Variants in ZNF133 observed in about 807,000 individuals in gnomAD.
ZNF133 encodes the protein zinc finger protein 133 (clone pHZ-13).
ZNF133 carries 26 observed loss-of-function variants against 54.9 expected under a neutral mutation model. That is an observed-to-expected ratio of 0.47 (90% CI 0.35 to 0.66). The LOEUF (loss-of-function observed/expected upper bound fraction) is 0.66, where lower values mean the gene tolerates loss of function less well. Among genes scored for constraint, ZNF133 ranks in the 30% least tolerant of loss-of-function variants. The pLI is 0.01. For missense variants in ZNF133, 653 were observed against 820.8 expected (o/e 0.80, Z 2.50); for synonymous variants, 298 against 320.3 (o/e 0.93, Z 0.74).
intron 1 of ZNF133, among the ~76,000 whole-genome samples, chr20:18,294,311 C>T (rs1001158175): frequency 2.6e-5 from 4 of 152,110 alleles, no homozygotes; most frequent in Non-Finnish European, 4.4e-5. Flanking sequence ...CCTTCAAAAG[C>T]GCCAAGTTCG....
intron 3 of ZNF133, among the ~76,000 whole-genome samples, chr20:18,302,801 A>G (rs1195610205): frequency 2.0e-5 from 3 of 152,244 alleles, no homozygotes; most frequent in East Asian, 3.8e-4. Context: ...GACTAAACAC[A>G]CACAAACCTA....
intron 1 of ZNF133, among the ~76,000 whole-genome samples, chr20:18,290,674 G>C (rs998077387): frequency 6.6e-6 from 1 of 152,092 alleles, no homozygotes; most frequent in African/African-American, 2.4e-5. Flanking sequence ...AGAGGGAAAA[G>C]TATCTGGAAA....
intron 6 of ZNF133, chr20:18,306,771 T>A (rs1486603689): frequency 1.5e-6 from 2 of 1,308,942 alleles, no homozygotes; most frequent in South Asian, 2.6e-5. Flanking sequence ...GAGGAAGAAA[T>A]CTAAAAAGCC....
Position 18,315,440 on chromosome 20 carries a change from G to A in ZNF133, c.589G>A (p.Glu197Lys). 1 of 1,614,214 alleles carries A rather than the reference G, an allele frequency of 6.2e-7. No homozygotes were observed. Among genetic ancestry groups the A allele is most frequent in the Admixed American group, 1.7e-5 (1 of 60,038 alleles). ...CAGCCCAGCTCAGTCAGGGAACCCT[G>A]AGGAAACAGACAAATTGTTGAAGAG... Reference protein sequence around the residue: ...EASPAQSGNPEETDKLLKRIE... With the variant: ...EASPAQSGNPKETDKLLKRIE... The change falls in exon 7 of 7, where the codon GAG becomes AAG. Residue 197 changes from glutamate (E) to lysine (K), a missense_variant. This residue lies in a region of ZNF133 where 227 missense variants were observed against 233.9 expected (regional missense o/e 0.97). Coordinates refer to ENST00000425686, the MANE Select transcript of ZNF133 (RefSeq NM_001352452.2).
chr20:18,296,513 T>G (rs2042266422), intron 1 of ZNF133, among the ~76,000 whole-genome samples: 1 of 152,210 alleles, frequency 6.6e-6, no homozygotes, highest in Non-Finnish European at 1.5e-5. Context: ...GTACCTCATA[T>G]AAATGGAATC....
At position 18,315,773 on chromosome 20, in the gene ZNF133, A is replaced by T; in HGVS notation, c.922A>T (p.Ser308Cys). The change falls in exon 7 of 7, where the codon AGC becomes TGC. Residue 308 changes from serine to cysteine, a missense_variant. Coordinates refer to ENST00000425686, the MANE Select transcript of ZNF133 (RefSeq NM_001352452.2). ...GTGCAGTGAGTGTGGGCGAGGCTTCAGCCAGAAGTCAAACCTCATCATACA... is the reference window on the plus strand; with the variant it reads ...GTGCAGTGAGTGTGGGCGAGGCTTCTGCCAGAAGTCAAACCTCATCATACA... ...YMCSECGRGF[S>C]QKSNLIIHQR... 1 of 1,614,256 alleles carries T rather than the reference A, an allele frequency of 6.2e-7. No individual in the cohort carries two copies. The highest frequency in any genetic ancestry group is 8.5e-7 in the Non-Finnish European group (1 of 1,180,032).
At chr20:18,308,621 T>C (rs2045199404) in intron 6 of ZNF133, among the ~76,000 whole-genome samples, 1 of 152,260 alleles carries the variant, frequency 6.6e-6, no homozygotes, top group Non-Finnish European at 1.5e-5. Flanking sequence ...CTTAGCACTG[T>C]ACTTTCTGGT....
intron 1 of ZNF133, among the ~76,000 whole-genome samples, chr20:18,290,812 C>A (rs527394020): frequency 6.6e-6 from 1 of 152,210 alleles, no homozygotes; most frequent in South Asian, 2.1e-4. Flanking sequence ...ATCCTTGTTT[C>A]CAAACTTACT....
chr20:18,293,157 A>C (rs1016644509), intron 1 of ZNF133, among the ~76,000 whole-genome samples: 1 of 152,184 alleles, frequency 6.6e-6, no homozygotes, highest in Non-Finnish European at 1.5e-5. Flanking sequence ...TCTAAAACTG[A>C]GTGGCTTAGG....
Position 18,310,825 on chromosome 20 carries a change from A to G in ZNF133, c.218-4244A>G, listed in dbSNP as rs1188944907. ...ATATGTTAATTAGCTCAATTTAGCCATGTCACAATGTATATATATTTCAAA... is the reference window on the plus strand; with the variant it reads ...ATATGTTAATTAGCTCAATTTAGCCGTGTCACAATGTATATATATTTCAAA... On this transcript the variant is annotated intron_variant, in intron 6 of 6. Transcript: ENST00000425686. Among the ~76,000 whole-genome samples, 6 of 152,226 alleles carry G rather than the reference A, an allele frequency of 3.9e-5. No individual in the cohort carries two copies. The East Asian group carries it at 1.2e-3, about 29-fold the overall frequency.
intron 1 of ZNF133, among the ~76,000 whole-genome samples, chr20:18,291,743 C>T (rs892343793): frequency 2.0e-5 from 3 of 149,928 alleles, no homozygotes; most frequent in African/African-American, 4.9e-5. Flanking sequence ...ACAGGAGTCT[C>T]GCTCTATCGC....
chr20:18,310,389 G>T, intron 6 of ZNF133: 2 of 1,366,158 alleles, frequency 1.5e-6, no homozygotes, highest in South Asian at 1.6e-5. Flanking sequence ...CCTCAAAATA[G>T]GCTAGTTACA....
intron 1 of ZNF133, among the ~76,000 whole-genome samples, 160 bp from the exon 2 acceptor site, chr20:18,297,825 C>T (rs2042551098): frequency 6.6e-6 from 1 of 151,928 alleles, no homozygotes. Context: ...CTTGTTTTTC[C>T]TTTTCCTTTG....
Position 18,316,309 on chromosome 20 carries a change from G to A in ZNF133, c.1458G>A (p.Arg486=), listed in dbSNP as rs1341032097. 1 of 1,613,722 alleles carries A rather than the reference G, an allele frequency of 6.2e-7. No individual in the cohort carries two copies. The highest frequency in any genetic ancestry group is 1.7e-5 in the Admixed American group (1 of 59,986). The change falls in exon 7 of 7, where the codon AGG becomes AGA. Residue 486 remains arginine, a synonymous_variant. Coordinates refer to ENST00000425686, the MANE Select transcript of ZNF133 (RefSeq NM_001352452.2). ...AATCCAACCTCATCAGACACCAGAG[G>A]ACGCACTCAGGCGAGAAGCCCATGG... The part of the protein sequence containing the change: ...SQQSNLIRHQ[R]THSGEKPMVC...
At chr20:18,289,224 C>T (rs1250127815) in intron 1 of ZNF133, among the ~76,000 whole-genome samples, 1 of 152,060 alleles carries the variant, frequency 6.6e-6, no homozygotes, top group Non-Finnish European at 1.5e-5. Flanking sequence ...CGGGTTCGGG[C>T]GTTGGAGGAG....
At chr20:18,306,098 A>G (rs2044516804) in intron 5 of ZNF133, among the ~76,000 whole-genome samples, 200 bp from the exon 6 acceptor site, 1 of 151,742 alleles carries the variant, frequency 6.6e-6, no homozygotes, top group African/African-American at 2.4e-5. Context: ...GTGTTCATCT[A>G]CTCGGCATGG....
chr20:18,295,316 A>T (rs2042005932), intron 1 of ZNF133: 1 of 152,314 alleles, frequency 6.6e-6, no homozygotes, highest in Admixed American at 6.5e-5. Flanking sequence ...TCCTTGACTG[A>T]GTGTGCAGCT....
At chr20:18,299,892 C>T (rs1395548279) in intron 3 of ZNF133, among the ~76,000 whole-genome samples, 2 of 152,148 alleles carry the variant, frequency 1.3e-5, no homozygotes, top group Non-Finnish European at 2.9e-5. Context: ...TTAAGACATT[C>T]TCGATAAGTT....
intron 1 of ZNF133, among the ~76,000 whole-genome samples, chr20:18,292,250 C>A (rs888712484): frequency 6.6e-6 from 1 of 152,182 alleles, no homozygotes; most frequent in African/African-American, 2.4e-5. Context: ...AAATGTAAAT[C>A]GAATCATGTC....
Sources: gnomAD v4.1 joint callset for allele counts (sites outside exome capture counted in the v4.1 genomes callset) on GRCh38, gnomAD v4.1.1 for gene constraint, gnomAD v4.1.1 regional missense constraint, MANE v1.5 for transcripts, NCBI Gene and HGNC (gene_info 2026-07-23, HGNC 2026-07-21) for gene names.